CNTNAP2: variants seen among roughly 807,000 people sequenced by gnomAD.
CNTNAP2 encodes the protein contactin-associated protein-like 2.
Under a neutral mutation model 155.2 loss-of-function variants are expected in CNTNAP2, and 98 were observed. That is an observed-to-expected ratio of 0.63 (90% CI 0.54 to 0.75). The LOEUF is 0.75. Among genes scored for constraint, CNTNAP2 ranks in the 30% least tolerant of loss-of-function variants. The probability of loss-of-function intolerance (pLI) is 0.00; values close to 1 mark genes in which losing one functional copy is unlikely to be tolerated. For missense variants in CNTNAP2, 1,727 were observed against 1,688.1 expected (o/e 1.02, Z -0.40); for synonymous variants, 651 against 631.2 (o/e 1.03, Z -0.47).
intron 3 of CNTNAP2, among the ~76,000 whole-genome samples, chr7:147,009,431 A>T (rs1404720047): frequency 6.6e-6 from 1 of 152,182 alleles, no homozygotes; most frequent in African/African-American, 2.4e-5. Context: ...GACAGTTTTC[A>T]TCCAGACTTA....
At chr7:146,700,704 G>A (rs1248104036) in intron 1 of CNTNAP2, among the ~76,000 whole-genome samples, 11 of 152,042 alleles carry the variant, frequency 7.2e-5, no homozygotes, top group Non-Finnish European at 1.5e-5. Context: ...TTCTAGAGAA[G>A]AGAAGAGAAA....
chr7:146,606,440 G>C lies in CNTNAP2; in HGVS notation c.98-167831G>C, dbSNP rs115282096. ...AAACCAAGAGTGACCCTTTCAAATT[G>C]TACAATGTCAACTTCTATGAAGAAA... On this transcript the variant is annotated intron_variant, in intron 1 of 23. Transcript: ENST00000361727. 8.4e-3 allele frequency among the ~76,000 whole-genome samples: 1,282 copies of C among 152,200 alleles called. 13 individuals carry two copies. The highest frequency in any genetic ancestry group is 0.029 in the African/African-American group (1,217 of 41,540).
intron 1 of CNTNAP2, among the ~76,000 whole-genome samples, chr7:146,183,708 T>A (rs1043759142): frequency 2.6e-5 from 4 of 152,084 alleles, no homozygotes; most frequent in Non-Finnish European, 5.9e-5. Context: ...CAAATTTATA[T>A]AAGGAACAGC....
At chr7:146,463,375 A>C (rs1045009558) in intron 1 of CNTNAP2, among the ~76,000 whole-genome samples, 1 of 151,948 alleles carries the variant, frequency 6.6e-6, no homozygotes, top group African/African-American at 2.4e-5. Flanking sequence ...TGCTACCCCC[A>C]TTAGTTCCAA....
intron 20 of CNTNAP2, among the ~76,000 whole-genome samples, chr7:148,247,623 C>CTTTATTTA (rs1220582979): frequency 2.0e-5 from 2 of 102,458 alleles, no homozygotes; most frequent in Non-Finnish European, 3.9e-5. Flanking sequence ...CTCTCTCTCT[C>CTTTATTTA]TCTATTTATT....
chr7:148,182,404 C>G (rs1323700779), intron 18 of CNTNAP2, among the ~76,000 whole-genome samples: 1 of 147,914 alleles, frequency 6.8e-6, no homozygotes, highest in Non-Finnish European at 1.5e-5. Flanking sequence ...CTTGAGTACT[C>G]CATCACGTCT....
intron 21 of CNTNAP2, among the ~76,000 whole-genome samples, chr7:148,319,508 C>CCGTG (rs770292780): frequency 1.3e-5 from 2 of 152,184 alleles, no homozygotes; most frequent in Non-Finnish European, 2.9e-5. Flanking sequence ...TGGACACCTA[C>CCGTG]CGTGGCCTGT....
At chr7:146,423,459 GA>G (rs1796043400) in intron 1 of CNTNAP2, among the ~76,000 whole-genome samples, 1 of 152,190 alleles carries the variant, frequency 6.6e-6, no homozygotes. Flanking sequence ...AGAAGTTTTA[GA>G]AGTGTGTATG....
intron 1 of CNTNAP2, among the ~76,000 whole-genome samples, chr7:146,681,975 A>G (rs1800512531): frequency 6.8e-6 from 1 of 146,332 alleles, no homozygotes; most frequent in African/African-American, 2.5e-5. Flanking sequence ...TCCAGATAAA[A>G]CCATATAAAG....
chr7:148,370,949 C>T (rs1034769328), intron 21 of CNTNAP2, among the ~76,000 whole-genome samples: 3 of 152,074 alleles, frequency 2.0e-5, no homozygotes, highest in Non-Finnish European at 2.9e-5. Context: ...CACATGACAC[C>T]GTCTCAAGCA....
chr7:146,639,074 G>GAAA, intron 1 of CNTNAP2, among the ~76,000 whole-genome samples: 1 of 152,172 alleles, frequency 6.6e-6, no homozygotes, highest in Admixed American at 6.5e-5. Context: ...AACCACCATT[G>GAAA]CATATGTGAA....
intron 1 of CNTNAP2, among the ~76,000 whole-genome samples, chr7:146,256,135 A>C (rs1799833010): frequency 1.3e-5 from 2 of 152,150 alleles, no homozygotes; most frequent in Non-Finnish European, 2.9e-5. Flanking sequence ...CCCTACTGGA[A>C]GCTTCTTTGG....
chr7:146,550,399 C>CTTTTTTTTTTTTTTTTTT (rs1584977002), intron 1 of CNTNAP2, among the ~76,000 whole-genome samples: 1 of 31,560 alleles, frequency 3.2e-5, no homozygotes, highest in African/African-American at 2.2e-4. Flanking sequence ...GTCCATTAAT[C>CTTTTTTTTTTTTTTTTTT]TGTTTTTTTT....
At chr7:146,800,774 G>T (rs189055511) in intron 2 of CNTNAP2, among the ~76,000 whole-genome samples, 4 of 151,916 alleles carry the variant, frequency 2.6e-5, no homozygotes, top group African/African-American at 7.3e-5. Flanking sequence ...AACATGAAAC[G>T]AATTATACTA....
intron 3 of CNTNAP2, among the ~76,000 whole-genome samples, chr7:146,862,417 C>G (rs1795120478): frequency 1.3e-5 from 2 of 151,574 alleles, no homozygotes; most frequent in Non-Finnish European, 2.9e-5. Flanking sequence ...TAAATCACTT[C>G]TTACACTTCC....
In CNTNAP2 at chr7:147,429,375, A is replaced by G. The variant is rs1016172365; in HGVS notation, c.1670+33595A>G. Among the ~76,000 whole-genome samples, 4 of 152,058 alleles carry G rather than the reference A, an allele frequency of 2.6e-5. No individual in the cohort carries two copies. The South Asian group carries it at 6.2e-4, about 24-fold the overall frequency. On this transcript the variant is annotated intron_variant, in intron 10 of 23. Coordinates refer to ENST00000361727, the MANE Select transcript of CNTNAP2 (RefSeq NM_014141.6). Reference sequence around the variant, plus strand: ...TTTCATATATTTGTTGGCCATTTGTATATCTTCTTTTGAGAATTGTGTATT... The same window carrying G: ...TTTCATATATTTGTTGGCCATTTGTGTATCTTCTTTTGAGAATTGTGTATT...
At chr7:147,775,260 AATATATTTATATATATATTTATAAATAT>A (rs1797546364) in intron 13 of CNTNAP2, among the ~76,000 whole-genome samples, 4 of 89,630 alleles carry the variant, frequency 4.5e-5, no homozygotes, top group Admixed American at 1.7e-4. Flanking sequence ...TATATTTATA[AATATATTTATATATATATTTATAAATAT>A]ATATATTTAT....
chr7:147,333,916 G>A (rs987339357), intron 9 of CNTNAP2, among the ~76,000 whole-genome samples: 1 of 152,140 alleles, frequency 6.6e-6, no homozygotes, highest in Admixed American at 6.6e-5. Flanking sequence ...GGGATGTGTG[G>A]CTAAGATGGA....
intron 8 of CNTNAP2, among the ~76,000 whole-genome samples, chr7:147,185,714 A>G (rs1420589467): frequency 1.3e-5 from 2 of 152,154 alleles, no homozygotes; most frequent in Admixed American, 6.5e-5. Flanking sequence ...ACACTATGCA[A>G]TGATGTGGTT....
Sources: gnomAD v4.1 joint callset for allele counts (sites outside exome capture counted in the v4.1 genomes callset) on GRCh38, gnomAD v4.1.1 for gene constraint, MANE v1.5 for transcripts, NCBI Gene and HGNC (gene_info 2026-07-23, HGNC 2026-07-21) for gene names.